The following HABP2 variants were observed in gnomAD, a reference collection of about 807,000 sequenced individuals.
HABP2 encodes factor VII-activating protease.
Under a neutral mutation model 66.5 loss-of-function variants are expected in HABP2, and 65 were observed. The observed-to-expected ratio is 0.98, with a 90% CI of 0.80 to 1.20. HABP2 has a LOEUF of 1.20. Among genes scored for constraint, HABP2 ranks in the 50% most tolerant of loss-of-function variants. The pLI is 0.00. For missense variants in HABP2, 786 were observed against 691.0 expected, an observed-to-expected ratio of 1.14 and a Z score of -1.54; for synonymous variants, 263 against 253.9, an observed-to-expected ratio of 1.04 and a Z score of -0.34.
chr10:113,587,988 G>A (rs545987544), intron 12 of HABP2, among the ~76,000 whole-genome samples: 45 of 152,102 alleles, frequency 3.0e-4, no homozygotes, highest in African/African-American at 9.4e-4. Context: ...TTAAGCCCGC[G>A]TGGACTCAGG....
Position 113,567,485 on chromosome 10 carries a change from T to C in HABP2, c.70-4T>C, listed in dbSNP as rs1446991667. On this transcript the variant is annotated splice_region_variant and splice_polypyrimidine_tract_variant and intron_variant, in intron 1 of 12. Transcript: ENST00000351270. ...CTGATCTGCTGTGTTGTTTTGTTTT[T>C]CAGTTCTCCCTGATGTCTTTATTGG... 6.2e-7 allele frequency: 1 copy of C among 1,611,932 alleles called. No homozygotes were observed. Among genetic ancestry groups the C allele is most frequent in the South Asian group, 1.1e-5 (1 of 91,018 alleles).
chr10:113,581,697 T>C (rs890941871), intron 8 of HABP2, among the ~76,000 whole-genome samples, 179 bp from the exon 9 acceptor site: 2 of 152,234 alleles, frequency 1.3e-5, no homozygotes, highest in Non-Finnish European at 1.5e-5. Context: ...TGTTACGCAA[T>C]GTATTCAACA....
In HABP2 at chr10:113,561,298, GAGA is replaced by G. The variant is rs140406724; in HGVS notation, c.70-6186_70-6184del. On this transcript the variant is annotated intron_variant, in intron 1 of 12. Transcript: ENST00000351270. The stretch of plus-strand genomic sequence containing the variant: ...TCGCTTATCTTTGTAGCAGGAGCCA[GAGA>G]AGAACAACATGAGGGAGGATTTGGC... Among the ~76,000 whole-genome samples, 181 of 152,300 alleles carry G rather than the reference GAGA, an allele frequency of 1.2e-3. 2 individuals carry two copies. The East Asian group carries it at 0.019, about 16-fold the overall frequency.
At chr10:113,577,093 T>C in intron 4 of HABP2, 57 bp from the exon 5 acceptor site, 1 of 928,200 alleles carries the variant, frequency 1.1e-6, no homozygotes. Flanking sequence ...TTTATACATG[T>C]ATCCCTCTAA....
chr10:113,588,356 A>G lies in HABP2; in HGVS notation c.1670A>G (p.Glu557Gly). Residue 557 changes from glutamate to glycine, a missense_variant, in exon 13 of 13, where the codon GAA becomes GGA. Coordinates refer to ENST00000351270, the MANE Select transcript of HABP2 (RefSeq NM_004132.5). ...TGGATCAAAGCCACCATCAAAAGTG[A>G]AAGTGGCTTCTAAGGTACTGTCTTC... ...LNWIKATIKS[E>G]SGF 1 of 1,612,780 alleles carries G rather than the reference A, an allele frequency of 6.2e-7. No homozygotes were observed. Among genetic ancestry groups the G allele is most frequent in the Admixed American group, 1.7e-5 (1 of 59,876 alleles).
chr10:113,565,229 A>G (rs1428890404), intron 1 of HABP2, among the ~76,000 whole-genome samples: 5 of 152,174 alleles, frequency 3.3e-5, no homozygotes, highest in African/African-American at 9.7e-5. Context: ...ACACAATAAT[A>G]TTGTCTAATA....
chr10:113,552,835 G>A (rs1844921092), upstream of HABP2, among the ~76,000 whole-genome samples: 1 of 152,196 alleles, frequency 6.6e-6, no homozygotes. Context: ...CAGCTGTCAT[G>A]TGCACCGTGG....
At chr10:113,564,920 C>T (rs556703402) in intron 1 of HABP2, among the ~76,000 whole-genome samples, 72 of 152,080 alleles carry the variant, frequency 4.7e-4, no homozygotes, top group African/African-American at 1.6e-3. Context: ...AATCTTGGCT[C>T]GCTGCAAGCT....
intron 12 of HABP2, among the ~76,000 whole-genome samples, chr10:113,587,543 T>G (rs1354349968): frequency 2.0e-5 from 3 of 152,174 alleles, no homozygotes; most frequent in African/African-American, 7.2e-5. Flanking sequence ...AAGTTTAAAA[T>G]AGAGAATTCA....
chr10:113,577,166 G>A lies in HABP2; in HGVS notation c.348G>A (p.Lys116=), dbSNP rs765615757. The A allele has an allele frequency of 4.4e-6, 7 of 1,607,320 alleles. No individual in the cohort carries two copies. In the South Asian group the frequency reaches 7.7e-5, roughly 18 times the overall value. The part of the protein sequence containing the change: ...NKCQKVQNTC[K]DNPCGRGQCL... The stretch of plus-strand genomic sequence containing the variant: ...CTCCTACAGTGCAAAATACGTGCAA[G>A]GACAACCCATGTGGCCGGGGCCAAT... Residue 116 remains lysine, a synonymous_variant, in exon 5 of 13, where the codon AAG becomes AAA. Transcript: ENST00000351270.
In HABP2 at chr10:113,580,625, C is replaced by T. The variant is rs372047979; in HGVS notation, c.771C>T (p.Cys257=). The T allele has an allele frequency of 6.1e-5, 98 of 1,599,552 alleles. No individual in the cohort carries two copies. Among genetic ancestry groups the T allele is most frequent in the Admixed American group, 1.2e-4 (7 of 59,958 alleles). The change falls in exon 8 of 13, where the codon TGC becomes TGT. Residue 257 remains cysteine, a synonymous_variant. Transcript: ENST00000351270. ...CAGATGCGGACGAAAAGCCCTGGTG[C>T]TTTATTAAAGTTACCAATGACAAGG... ...RNPDADEKPW[C]FIKVTNDKVK...
chr10:113,582,274 C>A, intron 9 of HABP2, 143 bp downstream of exon 9: 1 of 713,510 alleles, frequency 1.4e-6, no homozygotes, highest in South Asian at 2.4e-5. Flanking sequence ...TCCTGAAAGC[C>A]AGAGGGAAAA....
At chr10:113,561,663 G>T (rs1330743857) in intron 1 of HABP2, among the ~76,000 whole-genome samples, 1 of 152,084 alleles carries the variant, frequency 6.6e-6, no homozygotes, top group Admixed American at 6.6e-5. Context: ...TCGGAGCTGA[G>T]CCTCTGTCCC....
chr10:113,562,762 A>G (rs187294296), intron 1 of HABP2, among the ~76,000 whole-genome samples: 8 of 152,344 alleles, frequency 5.3e-5, no homozygotes, highest in East Asian at 1.9e-4. Flanking sequence ...AAGCCTTTTT[A>G]TAAAGCATTC....
In HABP2 at chr10:113,577,218, T is replaced by A; in HGVS notation, c.400T>A (p.Tyr134Asn). 1 of 1,612,790 alleles carries A rather than the reference T, an allele frequency of 6.2e-7. No individual in the cohort carries two copies. Among genetic ancestry groups the A allele is most frequent in the Non-Finnish European group, 8.5e-7 (1 of 1,178,764 alleles). ...TCTCATTACCCAGAGTCCTCCCTAC[T>A]ACCGCTGTGTCTGTAAACACCCTTA... The part of the protein sequence containing the change: ...QCLITQSPPY[Y>N]RCVCKHPYTG... The change falls in exon 5 of 13, where the codon TAC (tyrosine) becomes AAC (asparagine). Residue 134 changes from tyrosine to asparagine, a missense_variant. By Grantham distance (143) the Tyr-to-Asn change is moderately radical. Coordinates refer to ENST00000351270, the MANE Select transcript of HABP2 (RefSeq NM_004132.5).
chr10:113,586,471 T>TG (rs1367838896), intron 12 of HABP2, among the ~76,000 whole-genome samples: 1 of 54,822 alleles, frequency 1.8e-5, no homozygotes, highest in East Asian at 7.4e-4. Context: ...CGTGTGTGTG[T>TG]GTGTGGGGGG....
chr10:113,553,321 C>A, intron 1 of HABP2, 131 bp downstream of exon 1: 1 of 702,916 alleles, frequency 1.4e-6, no homozygotes, highest in Non-Finnish European at 2.6e-6. Flanking sequence ...GTTCTAACTA[C>A]AAGAACCAAT....
chr10:113,566,780 G>C (rs1845205164), intron 1 of HABP2, among the ~76,000 whole-genome samples: 1 of 152,176 alleles, frequency 6.6e-6, no homozygotes, highest in Admixed American at 6.5e-5. Flanking sequence ...GGGGCTTCCA[G>C]GCAGAGGCAA....
upstream of HABP2, among the ~76,000 whole-genome samples, chr10:113,552,728 G>A (rs1365677147): frequency 1.3e-5 from 2 of 152,156 alleles, no homozygotes; most frequent in Non-Finnish European, 2.9e-5. Context: ...GTACAAATCA[G>A]CACTGGCAGA....
Sources: gnomAD v4.1 joint callset for allele counts (sites outside exome capture counted in the v4.1 genomes callset) on GRCh38, gnomAD v4.1.1 for gene constraint, MANE v1.5 for transcripts, NCBI Gene and HGNC (gene_info 2026-07-23, HGNC 2026-07-21) for gene names.